BMPR1A: variants seen among roughly 807,000 people sequenced by gnomAD.
The protein encoded by BMPR1A is bone morphogenetic protein receptor type-1A.
Under a neutral mutation model 66.0 loss-of-function variants are expected in BMPR1A, and 7 were observed. The ratio of observed to expected loss-of-function variants is 0.11; its 90% CI spans 0.06 to 0.20. The LOEUF is 0.20. BMPR1A is among the 10% of genes least tolerant of loss of function. The probability of loss-of-function intolerance (pLI) is 1.00; values close to 1 mark genes in which losing one functional copy is unlikely to be tolerated. For synonymous variants in BMPR1A, 200 were observed against 229.7 expected (o/e 0.87, Z 1.17); for missense variants, 408 against 669.1 (o/e 0.61, Z 4.31).
In BMPR1A at chr10:86,805,377, T is replaced by TACGCACACACACACACAC. The variant is rs1554880397; in HGVS notation, c.-267-33486_-267-33485insGCACACACACACACACAC. 3.9e-3 allele frequency among the ~76,000 whole-genome samples: 561 copies of TACGCACACACACACACAC among 143,056 alleles called. 7 individuals carry two copies. The highest frequency in any genetic ancestry group is 0.014 in the African/African-American group (535 of 38,572). 93.9% of individuals were successfully genotyped at this position (143,056 alleles called of 152,430 possible). A position where few individuals can be genotyped will look rare whatever the true frequency, so the allele number is the denominator to read the frequency against. Reference sequence around the variant, plus strand: ...GTTTCTGTCTCTTCACTCCTACCTGTACACACACACACACACACACACACA... The same window carrying TACGCACACACACACACAC: ...GTTTCTGTCTCTTCACTCCTACCTGTACGCACACACACACACACACACACACACACACACACACACACA... On this transcript the variant is annotated intron_variant, in intron 1 of 12. Transcript: ENST00000372037.
intron 1 of BMPR1A, among the ~76,000 whole-genome samples, chr10:86,809,901 T>G (rs1841946031): frequency 1.3e-5 from 2 of 152,160 alleles, no homozygotes; most frequent in South Asian, 4.1e-4. Flanking sequence ...ATATTTCATT[T>G]AGCACATTTT....
chr10:86,806,052 AAC>A (rs2132900439), intron 1 of BMPR1A, among the ~76,000 whole-genome samples: 1 of 152,244 alleles, frequency 6.6e-6, no homozygotes, highest in African/African-American at 2.4e-5. Context: ...ATTTTTGAAG[AAC>A]ACCAGGCCAG....
intron 1 of BMPR1A, among the ~76,000 whole-genome samples, chr10:86,814,017 T>A (rs1842003313): frequency 6.6e-6 from 1 of 152,234 alleles, no homozygotes. Context: ...AAGTTTGTTG[T>A]TAATGTAGTT....
At chr10:86,851,411 T>TA (rs1200643805) in intron 2 of BMPR1A, among the ~76,000 whole-genome samples, 2 of 152,306 alleles carry the variant, frequency 1.3e-5, no homozygotes, top group East Asian at 1.9e-4. Flanking sequence ...GCAAGATAAG[T>TA]AAAAAAATCA....
intron 2 of BMPR1A, among the ~76,000 whole-genome samples, chr10:86,841,807 G>A (rs1011473991): frequency 2.0e-5 from 3 of 152,100 alleles, no homozygotes; most frequent in Non-Finnish European, 4.4e-5. Context: ...GGGGAGAAGG[G>A]CGAAGGTTAA....
At chr10:86,890,946 A>T (rs1232574428) in intron 4 of BMPR1A, among the ~76,000 whole-genome samples, 1 of 152,224 alleles carries the variant, frequency 6.6e-6, no homozygotes, top group African/African-American at 2.4e-5. Context: ...ACATTGACAT[A>T]TTGACTTAAT....
chr10:86,829,320 A>C (rs1842237713), intron 1 of BMPR1A, among the ~76,000 whole-genome samples: 1 of 152,182 alleles, frequency 6.6e-6, no homozygotes, highest in African/African-American at 2.4e-5. Flanking sequence ...TTTACTATTC[A>C]AAGTAGGTTC....
intron 1 of BMPR1A, among the ~76,000 whole-genome samples, chr10:86,787,641 C>T (rs1270247691): frequency 6.6e-6 from 1 of 152,016 alleles, no homozygotes; most frequent in Non-Finnish European, 1.5e-5. Flanking sequence ...CACATTGATA[C>T]AAAGAAATAC....
At chr10:86,780,718 C>T (rs1214356071) in intron 1 of BMPR1A, among the ~76,000 whole-genome samples, 2 of 151,608 alleles carry the variant, frequency 1.3e-5, no homozygotes, top group African/African-American at 4.9e-5. Context: ...CAGGCGTGAG[C>T]GTGAGCCACC....
chr10:86,759,385 T>C (rs542054665), intron 1 of BMPR1A, among the ~76,000 whole-genome samples: 1 of 152,252 alleles, frequency 6.6e-6, no homozygotes, highest in Non-Finnish European at 1.5e-5. Context: ...TTTGTTTATG[T>C]GTCTTCTGAA....
intron 1 of BMPR1A, among the ~76,000 whole-genome samples, chr10:86,829,818 T>C (rs1842243804): frequency 6.6e-6 from 1 of 152,238 alleles, no homozygotes. Context: ...AAAGATAATC[T>C]CTTTCCCTAG....
chr10:86,818,881 A>G (rs1842074277), intron 1 of BMPR1A, among the ~76,000 whole-genome samples: 2 of 152,194 alleles, frequency 1.3e-5, no homozygotes, highest in Non-Finnish European at 2.9e-5. Context: ...CAAGAAGGCA[A>G]GATTTTTTGG....
chr10:86,771,566 A>G (rs994501822), intron 1 of BMPR1A, among the ~76,000 whole-genome samples: 2 of 152,232 alleles, frequency 1.3e-5, no homozygotes, highest in South Asian at 2.1e-4. Context: ...CTGGGATTCA[A>G]ACCCAGGCAG....
At chr10:86,768,262 ATATCT>A (rs1294478019) in intron 1 of BMPR1A, among the ~76,000 whole-genome samples, 2 of 152,224 alleles carry the variant, frequency 1.3e-5, no homozygotes, top group African/African-American at 4.8e-5. Context: ...ATAAATATAA[ATATCT>A]TAAATATAAA....
chr10:86,884,933 A>AG (rs559528951), intron 3 of BMPR1A, among the ~76,000 whole-genome samples: 125 of 152,278 alleles, frequency 8.2e-4, no homozygotes, highest in African/African-American at 2.9e-3. Flanking sequence ...AATACATCTA[A>AG]CTATAATTTT....
At chr10:86,778,232 A>ATTT (rs566239833) in intron 1 of BMPR1A, among the ~76,000 whole-genome samples, 1 of 145,626 alleles carries the variant, frequency 6.9e-6, no homozygotes, top group Non-Finnish European at 1.5e-5. Flanking sequence ...TTTTTTTGCA[A>ATTT]TTTTTTTTTT....
chr10:86,925,768 T>TGC lies in BMPR1A; in HGVS notation c.*2050_*2051insCG, dbSNP rs1843731867. Reference sequence around the variant, plus strand: ...CGGAGTCTCGCTCTGTCGCCCAGGCTGGACTGCGGACTGCAGTGGCGCAAT... The same window carrying TGC: ...CGGAGTCTCGCTCTGTCGCCCAGGCTGCGGACTGCGGACTGCAGTGGCGCAAT... On this transcript the variant is annotated 3_prime_UTR_variant, in exon 13 of 13. Transcript: ENST00000372037. The TGC allele has an allele frequency of 6.8e-6, 1 of 146,362 alleles. No individual in the cohort carries two copies. Among genetic ancestry groups the TGC allele is most frequent in the African/African-American group, 2.8e-5 (1 of 35,238 alleles). The allele number at this position is 146,362 out of a possible 1,614,324, so 9.1% of individuals were successfully genotyped here.
intron 2 of BMPR1A, among the ~76,000 whole-genome samples, chr10:86,844,171 G>T (rs531997973): frequency 1.1e-3 from 169 of 152,068 alleles, no homozygotes; most frequent in Admixed American, 2.0e-3. Flanking sequence ...AGTTTTTTTG[G>T]CATTATTTTT....
intron 3 of BMPR1A, among the ~76,000 whole-genome samples, 197 bp downstream of exon 3, chr10:86,876,282 G>A (rs1333316444): frequency 6.6e-6 from 1 of 152,166 alleles, no homozygotes; most frequent in Non-Finnish European, 1.5e-5. Flanking sequence ...AAGTATTTTT[G>A]AAATCTCAGT....
Sources: gnomAD v4.1 joint callset for allele counts (sites outside exome capture counted in the v4.1 genomes callset) on GRCh38, gnomAD v4.1.1 for gene constraint, MANE v1.5 for transcripts, NCBI Gene and HGNC (gene_info 2026-07-23, HGNC 2026-07-21) for gene names.